Variants in GART observed in about 807,000 individuals in gnomAD.
GART encodes phosphoribosylglycinamide formyltransferase, phosphoribosylglycinamide synthetase, phosphoribosylaminoimidazole synthetase, also known as trifunctional purine biosynthetic protein adenosine-3.
A neutral mutation model predicts 107.2 loss-of-function variants in GART; 43 were observed. That is an observed-to-expected ratio of 0.40 (90% CI 0.31 to 0.52). The LOEUF is 0.52. GART is among the 20% of genes least tolerant of loss of function. The probability of loss-of-function intolerance (pLI) is 0.52; values close to 1 mark genes in which losing one functional copy is unlikely to be tolerated. For missense variants in GART, 1,107 were observed against 1,206.5 expected (o/e 0.92, Z 1.22); for synonymous variants, 434 against 427.0 (o/e 1.02, Z -0.20).
At position 33,521,147 on chromosome 21, in the gene GART, T is replaced by C. The variant is rs1018822144; in HGVS notation, c.1394-132A>G. The C allele has an allele frequency of 1.7e-5, 11 of 648,440 alleles. 1 individual carries two copies. In the African/African-American group the frequency reaches 2.0e-4, roughly 12 times the overall value. The allele number at this position is 648,440 out of a possible 1,614,324, so 40.2% of individuals were successfully genotyped here. A position where few individuals can be genotyped will look rare whatever the true frequency, so the allele number is the denominator to read the frequency against. ...ATGTACTTCTGGAAGAAATAGATGA[T>C]TGGAACAGCTGTTCTCAGAGATGAC... On this transcript the variant is annotated intron_variant, in intron 12 of 21. Transcript: ENST00000381815.
chr21:33,534,620 C>T lies in GART; in HGVS notation c.375G>A (p.Lys125=). ...DRHGIPTAQW[K]AFTKPEEACS... ...AGGCTTCTTCAGGTTTGGTGAAAGC[C>T]TTCCATTGTGCGGTTGGGATTCCAT... The change falls in exon 4 of 22, where the codon AAG becomes AAA. Residue 125 remains lysine (K), a synonymous_variant. Coordinates refer to ENST00000381815, the MANE Select transcript of GART (RefSeq NM_000819.5). The T allele has an allele frequency of 6.2e-7, 1 of 1,614,172 alleles. No homozygotes were observed. Among genetic ancestry groups the T allele is most frequent in the Non-Finnish European group, 8.5e-7 (1 of 1,180,016 alleles).
chr21:33,505,748 A>C, intron 19 of GART, 46 bp from the exon 20 acceptor site: 1 of 1,508,914 alleles, frequency 6.6e-7, no homozygotes, highest in Non-Finnish European at 9.0e-7. Context: ...TGAATTACCA[A>C]AAATAATTAA....
intron 4 of GART, among the ~76,000 whole-genome samples, chr21:33,532,698 A>G (rs2085215889): frequency 6.6e-6 from 1 of 152,220 alleles, no homozygotes; most frequent in South Asian, 2.1e-4. Context: ...ATGAGATTAC[A>G]TAGGCAATAT....
At chr21:33,524,437 G>C in intron 11 of GART, 1 of 590,100 alleles carries the variant, frequency 1.7e-6, no homozygotes, top group Non-Finnish European at 2.1e-6. Flanking sequence ...TGTAGTCCCA[G>C]CTATTTGGGA....
At chr21:33,527,193 G>C (rs760771823) in intron 10 of GART, among the ~76,000 whole-genome samples, 2 of 152,080 alleles carry the variant, frequency 1.3e-5, no homozygotes, top group Non-Finnish European at 2.9e-5. Context: ...TTGGTGTCTG[G>C]GCAAGACAGT....
intron 16 of GART, among the ~76,000 whole-genome samples, chr21:33,516,300 A>G (rs2084878323): frequency 6.6e-6 from 1 of 151,232 alleles, no homozygotes; most frequent in Admixed American, 6.6e-5. Context: ...TGGTTTGATG[A>G]TAATACTTTT....
At position 33,530,897 on chromosome 21, in the gene GART, CA is replaced by C; in HGVS notation, c.598-14del. 6.7e-7 allele frequency: 1 copy of C among 1,503,638 alleles called. No individual in the cohort carries two copies. Among genetic ancestry groups the C allele is most frequent in the Non-Finnish European group, 8.8e-7 (1 of 1,138,336 alleles). The allele number at this position is 1,503,638 out of a possible 1,614,324, so 93.1% of individuals were successfully genotyped here. A position where few individuals can be genotyped will look rare whatever the true frequency, so the allele number is the denominator to read the frequency against. On this transcript the variant is annotated splice_polypyrimidine_tract_variant and intron_variant, in intron 6 of 21. Coordinates refer to ENST00000381815, the MANE Select transcript of GART (RefSeq NM_000819.5). ...TGAAACACAGACACTATAAAGAAAA[CA>C]AAATAGTCCATTTATGTTAACTGTC... is the stretch of plus-strand genomic sequence containing the variant.
In GART at chr21:33,516,044, T is replaced by TC. The variant is rs770315691; in HGVS notation, c.2107+944dup. On this transcript the variant is annotated intron_variant, in intron 16 of 21. Transcript: ENST00000381815. ...GGGCGGATCACTTGAGGTCAGGAATTCGAAACCAGCCTGGCCAACAAGGTG... is the reference window on the plus strand; with the variant it reads ...GGGCGGATCACTTGAGGTCAGGAATTCCGAAACCAGCCTGGCCAACAAGGTG... 4.6e-5 allele frequency among the ~76,000 whole-genome samples: 7 copies of TC among 151,780 alleles called. No homozygotes were observed. The East Asian group carries it at 1.4e-3, about 29-fold the overall frequency.
intron 1 of GART, among the ~76,000 whole-genome samples, chr21:33,540,298 CAAAT>C (rs1376312662): frequency 1.3e-5 from 2 of 152,154 alleles, no homozygotes; most frequent in African/African-American, 4.8e-5. Flanking sequence ...AGGTTTGTAA[CAAAT>C]AAACGTGACT....
At chr21:33,525,246 T>A (rs952100617) in intron 10 of GART, among the ~76,000 whole-genome samples, 3 of 151,094 alleles carry the variant, frequency 2.0e-5, no homozygotes, top group Non-Finnish European at 2.9e-5. Flanking sequence ...AAATAAATAA[T>A]AATAGCCAAG....
At chr21:33,506,235 C>A (rs1192097929) in intron 18 of GART, 131 bp from the exon 19 acceptor site, 2 of 948,296 alleles carry the variant, frequency 2.1e-6, no homozygotes, top group Non-Finnish European at 1.5e-6. Context: ...CCTCCACCTC[C>A]CGGGTTCAAG....
upstream of GART, chr21:33,542,694 G>A (rs1276775540): frequency 5.4e-5 from 10 of 183,566 alleles, no homozygotes. Flanking sequence ...TTAAACACCG[G>A]GTTGCCCTTC....
chr21:33,508,363 C>A lies in GART; in HGVS notation c.2452+1420G>T, dbSNP rs747719685. On this transcript the variant is annotated intron_variant, in intron 18 of 21. Coordinates refer to ENST00000381815, the MANE Select transcript of GART (RefSeq NM_000819.5). ...AAAATTTTAGATTCGGGGGTACACA[C>A]GCTTGTTTATTACATGGGAATGTTG... is the stretch of plus-strand genomic sequence containing the variant. Among the ~76,000 whole-genome samples the A allele has an allele frequency of 2.6e-5, 4 of 151,890 alleles. No homozygotes were observed. The South Asian group carries it at 8.3e-4, about 32-fold the overall frequency.
intron 17 of GART, among the ~76,000 whole-genome samples, chr21:33,510,521 G>A (rs1159233666): frequency 2.0e-5 from 3 of 151,848 alleles, no homozygotes; most frequent in African/African-American, 4.8e-5. Context: ...TAGTAGAGAC[G>A]GGGTTTCACT....
In GART at chr21:33,517,065, G is replaced by A. The variant is rs1469343092; in HGVS notation, c.2031C>T (p.Ala677=). The change falls in exon 16 of 22, where the codon GCC becomes GCT. Residue 677 remains alanine, a synonymous_variant. Coordinates refer to ENST00000381815, the MANE Select transcript of GART (RefSeq NM_000819.5). The part of the protein sequence containing the change: ...LPVLRSGHVK[A]FAHITGGGLL... ...ATCCTCCACCAGTAATATGGGCAAA[G>A]GCTTTGACATGTCCTGAACGTAGGA... is the stretch of plus-strand genomic sequence containing the variant. 6.8e-6 allele frequency: 11 copies of A among 1,613,898 alleles called. No homozygotes were observed. Among genetic ancestry groups the A allele is most frequent in the South Asian group, 3.3e-5 (3 of 91,068 alleles).
In GART at chr21:33,517,692, A is replaced by G. The variant is rs528566554; in HGVS notation, c.1703-84T>C. ...AGTGGCACAGGCTACTCTTAACATG[A>G]ACAACTAACACATGGCTATGTCCTG... is the stretch of plus-strand genomic sequence containing the variant. On this transcript the variant is annotated intron_variant, in intron 14 of 21. Coordinates refer to ENST00000381815, the MANE Select transcript of GART (RefSeq NM_000819.5). The G allele has an allele frequency of 3.6e-5, 49 of 1,347,468 alleles. No homozygotes were observed. In the Admixed American group the frequency reaches 5.7e-4, roughly 16 times the overall value. 83.5% of individuals were successfully genotyped at this position (1,347,468 alleles called of 1,614,324 possible). A position where few individuals can be genotyped will look rare whatever the true frequency, so the allele number is the denominator to read the frequency against.
intron 17 of GART, 103 bp downstream of exon 17, chr21:33,511,149 G>T: frequency 8.8e-7 from 1 of 1,134,662 alleles, no homozygotes; most frequent in Non-Finnish European, 1.3e-6. Flanking sequence ...CATAGCGATG[G>T]CTGCACTAAA....
At chr21:33,528,079 G>A in intron 10 of GART, 88 bp downstream of exon 10, 4 of 1,262,798 alleles carry the variant, frequency 3.2e-6, no homozygotes, top group Non-Finnish European at 4.6e-6. Flanking sequence ...CACTCTTATC[G>A]AGAGCAAGCC....
intron 20 of GART, among the ~76,000 whole-genome samples, chr21:33,504,732 T>TA (rs1488413043): frequency 9.2e-5 from 14 of 152,096 alleles, no homozygotes; most frequent in African/African-American, 3.4e-4. Context: ...CTTGCACAGT[T>TA]AAAGGCATGC....
Sources: allele counts gnomAD v4.1 joint callset (sites outside exome capture counted in the v4.1 genomes callset), GRCh38; gene constraint gnomAD v4.1.1; transcripts MANE v1.5; gene names NCBI Gene and HGNC (gene_info 2026-07-23, HGNC 2026-07-21).